Variants in AGBL1 observed in about 807,000 individuals in gnomAD.
The protein encoded by AGBL1 is cytosolic carboxypeptidase 4.
A neutral mutation model predicts 118.9 loss-of-function variants in AGBL1; 130 were observed. The observed-to-expected ratio is 1.09, with a 90% CI of 0.95 to 1.26. The LOEUF (loss-of-function observed/expected upper bound fraction) is 1.26. Ranked by LOEUF, AGBL1 falls within the 50% of genes most tolerant of loss-of-function variation. The probability of loss-of-function intolerance (pLI) is 0.00; values close to 1 mark genes in which losing one functional copy is unlikely to be tolerated. For synonymous variants in AGBL1, 555 were observed against 478.9 expected, an observed-to-expected ratio of 1.16 and a Z score of -2.08; for missense variants, 1,584 against 1,298.1, an observed-to-expected ratio of 1.22 and a Z score of -3.38.
intron 22 of AGBL1, among the ~76,000 whole-genome samples, chr15:86,826,103 C>A (rs571347728): frequency 6.6e-6 from 1 of 152,038 alleles, no homozygotes; most frequent in South Asian, 2.1e-4. Flanking sequence ...CATATTTCTC[C>A]AGTTTTGCTT....
intron 21 of AGBL1, among the ~76,000 whole-genome samples, chr15:86,589,291 T>C (rs957627520): frequency 1.3e-5 from 2 of 152,052 alleles, no homozygotes; most frequent in African/African-American, 4.8e-5. Flanking sequence ...TGCAGAAGAG[T>C]GCAGTGGGGC....
chr15:86,890,249 T>C (rs2080034054), intron 22 of AGBL1, among the ~76,000 whole-genome samples: 1 of 152,144 alleles, frequency 6.6e-6, no homozygotes, highest in Non-Finnish European at 1.5e-5. Flanking sequence ...GTTTTTTTTC[T>C]TGTAAAATTG....
chr15:86,614,994 A>C (rs978654000), intron 21 of AGBL1, among the ~76,000 whole-genome samples: 1 of 152,180 alleles, frequency 6.6e-6, no homozygotes, highest in African/African-American at 2.4e-5. Flanking sequence ...TGAGCAAAGA[A>C]AACTAGAATG....
At chr15:86,131,923 G>A (rs1011550513) in intron 1 of AGBL1, among the ~76,000 whole-genome samples, 16 of 151,242 alleles carry the variant, frequency 1.1e-4, no homozygotes, top group Admixed American at 3.9e-4. Flanking sequence ...CTGCCAGCCT[G>A]GGTGACAGAG....
intron 18 of AGBL1, among the ~76,000 whole-genome samples, chr15:86,503,364 C>T (rs886244830): frequency 1.7e-4 from 26 of 151,180 alleles, no homozygotes; most frequent in African/African-American, 5.6e-4. Flanking sequence ...AAAGGTTTAT[C>T]AGTTTTCAAA....
chr15:86,776,465 T>G (rs16977973), intron 22 of AGBL1, among the ~76,000 whole-genome samples: 1 of 151,954 alleles, frequency 6.6e-6, no homozygotes, highest in African/African-American at 2.4e-5. Flanking sequence ...GAGTCACTTA[T>G]TAATATGCTT....
chr15:86,584,493 T>C (rs1257084440), intron 21 of AGBL1, among the ~76,000 whole-genome samples: 1 of 152,160 alleles, frequency 6.6e-6, no homozygotes, highest in Non-Finnish European at 1.5e-5. Flanking sequence ...ATCAGATGGA[T>C]GTATGTGTGT....
chr15:86,739,938 G>A (rs2077654045), intron 22 of AGBL1, among the ~76,000 whole-genome samples: 2 of 152,178 alleles, frequency 1.3e-5, no homozygotes, highest in South Asian at 4.1e-4. Context: ...TTCTGATGCT[G>A]CAGCTGGCTA....
chr15:86,795,270 G>A (rs1268691123), intron 22 of AGBL1, among the ~76,000 whole-genome samples: 1 of 152,170 alleles, frequency 6.6e-6, no homozygotes, highest in Non-Finnish European at 1.5e-5. Context: ...ACAAATCATT[G>A]CCTGGACGGA....
At chr15:86,196,116 T>C (rs1004880753) in intron 5 of AGBL1, among the ~76,000 whole-genome samples, 1 of 152,210 alleles carries the variant, frequency 6.6e-6, no homozygotes, top group Admixed American at 6.5e-5. Context: ...TTTTCAGAGA[T>C]CTACTTTAAA....
At chr15:86,927,704 G>A (rs1302838485) in intron 23 of AGBL1, among the ~76,000 whole-genome samples, 1 of 152,128 alleles carries the variant, frequency 6.6e-6, no homozygotes, top group African/African-American at 2.4e-5. Context: ...ATCATGACCA[G>A]TAGTAGTTAT....
At chr15:86,870,421 C>T (rs1049815433) in intron 22 of AGBL1, among the ~76,000 whole-genome samples, 2 of 111,038 alleles carry the variant, frequency 1.8e-5, no homozygotes, top group Non-Finnish European at 3.5e-5. Context: ...TAGCCTGCAT[C>T]CAACTGTGGC....
At chr15:86,717,083 T>C (rs543214804) in intron 22 of AGBL1, among the ~76,000 whole-genome samples, 1 of 152,288 alleles carries the variant, frequency 6.6e-6, no homozygotes, top group South Asian at 2.1e-4. Context: ...ATATTAACTA[T>C]TAGTTAAAGC....
chr15:86,410,573 A>G (rs1178786218), intron 18 of AGBL1, among the ~76,000 whole-genome samples: 1 of 151,668 alleles, frequency 6.6e-6, no homozygotes, highest in African/African-American at 2.4e-5. Context: ...ATCAAGTACC[A>G]TAGTACTTCA....
chr15:86,537,794 T>A (rs2083445745), intron 19 of AGBL1, among the ~76,000 whole-genome samples: 1 of 152,198 alleles, frequency 6.6e-6, no homozygotes, highest in African/African-American at 2.4e-5. Context: ...ACCTCATCTC[T>A]ATATTTGGAT....
At chr15:86,502,413 A>T (rs186651521) in intron 18 of AGBL1, among the ~76,000 whole-genome samples, 283 of 151,526 alleles carry the variant, frequency 1.9e-3, no homozygotes, top group African/African-American at 6.7e-3. Flanking sequence ...TCCTATCTGG[A>T]TGCTTTTAAT....
rs1194204437 is a variant in AGBL1 at position 86,915,248 on chromosome 15, C to T, written c.*7954C>T. On this transcript the variant is annotated 3_prime_UTR_variant, in exon 23 of 23. Transcript: ENST00000614907. ...TTCCAACCCTTTCATCCCTGTGCAG[C>T]CTGATAGTATTAGGAAGGAAAACCG... 1 of 152,160 alleles carries T rather than the reference C, an allele frequency of 6.6e-6. No individual in the cohort carries two copies. Among genetic ancestry groups the T allele is most frequent in the African/African-American group, 2.4e-5 (1 of 41,418 alleles). 9.4% of individuals were successfully genotyped at this position (152,160 alleles called of 1,614,324 possible).
intron 1 of AGBL1, among the ~76,000 whole-genome samples, chr15:86,137,626 A>T (rs948909547): frequency 1.3e-5 from 2 of 151,528 alleles, no homozygotes; most frequent in Admixed American, 6.6e-5. Context: ...CTGGAGAAAA[A>T]TTTTTTCCAA....
chr15:86,224,567 C>G (rs759615114), intron 5 of AGBL1, among the ~76,000 whole-genome samples: 4 of 151,980 alleles, frequency 2.6e-5, no homozygotes, highest in Non-Finnish European at 4.4e-5. Context: ...TTTCCAGAAA[C>G]AAACAAATCA....
Sources: gnomAD v4.1 joint callset for allele counts (sites outside exome capture counted in the v4.1 genomes callset) on GRCh38, gnomAD v4.1.1 for gene constraint, MANE v1.5 for transcripts, NCBI Gene and HGNC (gene_info 2026-07-23, HGNC 2026-07-21) for gene names.